The following REV1 variants were observed in gnomAD, a reference collection of about 807,000 sequenced individuals.
REV1 encodes the protein REV1 DNA directed polymerase, also known as translesion synthesis protein REV1.
Under a neutral mutation model 137.4 loss-of-function variants are expected in REV1, and 42 were observed. That is an observed-to-expected ratio of 0.31 (90% CI 0.24 to 0.40). The LOEUF (loss-of-function observed/expected upper bound fraction) is 0.40, where lower values mean the gene tolerates loss of function less well. Ranked by LOEUF, REV1 falls within the 10% of genes least tolerant of loss-of-function variation. The pLI is 1.00. For missense variants in REV1, 1,282 were observed against 1,490.1 expected (o/e 0.86, Z 2.30); for synonymous variants, 524 against 519.2 (o/e 1.01, Z -0.12).
intron 1 of REV1, among the ~76,000 whole-genome samples, chr2:99,479,896 C>T (rs559155805): frequency 2.0e-5 from 3 of 152,256 alleles, no homozygotes; most frequent in Admixed American, 6.5e-5. Context: ...CCCAAGAAAG[C>T]ATCACTGAGA....
intron 3 of REV1, among the ~76,000 whole-genome samples, chr2:99,461,143 G>A (rs891535697): frequency 2.6e-5 from 4 of 152,164 alleles, no homozygotes; most frequent in African/African-American, 9.7e-5. Context: ...ACTTCCCAAT[G>A]CTGCACCAGC....
intron 13 of REV1, among the ~76,000 whole-genome samples, chr2:99,412,068 C>A (rs1677236191): frequency 6.6e-6 from 1 of 151,722 alleles, no homozygotes; most frequent in Non-Finnish European, 1.5e-5. Flanking sequence ...CACGTCTCTA[C>A]TAAAAGTACA....
At chr2:99,432,282 G>A (rs777991021) in intron 8 of REV1, among the ~76,000 whole-genome samples, 15 of 152,178 alleles carry the variant, frequency 9.9e-5, no homozygotes, top group Admixed American at 2.6e-4. Context: ...GATGCTATTT[G>A]TCCTAATACT....
At chr2:99,448,593 T>A (rs780074565) in intron 4 of REV1, among the ~76,000 whole-genome samples, 1 of 152,218 alleles carries the variant, frequency 6.6e-6, no homozygotes, top group Non-Finnish European at 1.5e-5. Context: ...TCTTGATGTA[T>A]TACCATGCTA....
chr2:99,462,650 C>A, intron 2 of REV1, 28 bp from the exon 3 acceptor site: 2 of 1,576,862 alleles, frequency 1.3e-6, no homozygotes, highest in Non-Finnish European at 1.7e-6. Context: ...GTAAACCAAT[C>A]ACAAAGGTTA....
chr2:99,442,116 G>A (rs1681558982), intron 5 of REV1, among the ~76,000 whole-genome samples: 6 of 152,002 alleles, frequency 3.9e-5, no homozygotes, highest in Admixed American at 3.9e-4. Context: ...GCCAGGCGTG[G>A]TGGCACACGC....
chr2:99,485,921 T>C (rs975360323), intron 1 of REV1, among the ~76,000 whole-genome samples: 1 of 151,828 alleles, frequency 6.6e-6, no homozygotes, highest in Non-Finnish European at 1.5e-5. Context: ...GCCCAAGAGT[T>C]TGAGACCAGC....
At chr2:99,433,544 C>T (rs569538976) in intron 8 of REV1, among the ~76,000 whole-genome samples, 10 of 152,288 alleles carry the variant, frequency 6.6e-5, no homozygotes, top group African/African-American at 2.2e-4. Context: ...ACAAGCCCAA[C>T]GTTTTATAAC....
intron 12 of REV1, 118 bp from the exon 13 acceptor site, chr2:99,413,069 T>C: frequency 2.7e-6 from 2 of 748,248 alleles, no homozygotes; most frequent in South Asian, 1.8e-5. Context: ...TTAAAGTCTT[T>C]AGGCAACATA....
intron 1 of REV1, among the ~76,000 whole-genome samples, chr2:99,481,610 A>G (rs1686616161): frequency 6.6e-6 from 1 of 152,174 alleles, no homozygotes; most frequent in Non-Finnish European, 1.5e-5. Flanking sequence ...ATGCCTGTAT[A>G]CCAGCACTCT....
chr2:99,457,528 A>G (rs568523497), intron 3 of REV1, among the ~76,000 whole-genome samples: 1 of 152,092 alleles, frequency 6.6e-6, no homozygotes, highest in African/African-American at 2.4e-5. Flanking sequence ...CTAAAAACAC[A>G]CAAAAAATGA....
chr2:99,403,781 TCAG>T lies in REV1; in HGVS notation c.3077_3079del (p.Ala1026del). On this transcript the variant is annotated inframe_deletion, in exon 19 of 23. Coordinates refer to ENST00000258428, the MANE Select transcript of REV1 (RefSeq NM_016316.4). ...CGCTGCTTTCAGCTCCCTCTGAAGT[TCAG>T]CAGGAAGGGCAGCAAATACCTCAGG... 5.6e-6 allele frequency: 9 copies of T among 1,614,200 alleles called. No individual in the cohort carries two copies. Among genetic ancestry groups the T allele is most frequent in the Non-Finnish European group, 7.6e-6 (9 of 1,180,034 alleles).
Position 99,418,952 on chromosome 2 carries a change from TAAAAA to T in REV1, c.1832-10_1832-6del. Reference sequence around the variant, plus strand: ...TAGCCAGGAGAATATTAGAACCTATTAAAAAAAAAAGTCATCCAAGAAATAGTCAC... The same window carrying T: ...TAGCCAGGAGAATATTAGAACCTATTAAAAAGTCATCCAAGAAATAGTCAC... On this transcript the variant is annotated splice_polypyrimidine_tract_variant and splice_region_variant and intron_variant, in intron 11 of 22. Coordinates refer to ENST00000258428, the MANE Select transcript of REV1 (RefSeq NM_016316.4). 6.8e-7 allele frequency: 1 copy of T among 1,461,742 alleles called. No individual in the cohort carries two copies. The highest frequency in any genetic ancestry group is 9.3e-7 in the Non-Finnish European group (1 of 1,076,660). The allele number at this position is 1,461,742 out of a possible 1,614,324, so 90.5% of individuals were successfully genotyped here.
chr2:99,477,441 T>C (rs1686107949), intron 1 of REV1, among the ~76,000 whole-genome samples: 1 of 152,170 alleles, frequency 6.6e-6, no homozygotes, highest in African/African-American at 2.4e-5. Context: ...ACTGAGGTGC[T>C]CACCTACTAC....
intron 1 of REV1, among the ~76,000 whole-genome samples, chr2:99,471,737 T>A (rs1685432400): frequency 2.0e-5 from 3 of 149,714 alleles, no homozygotes; most frequent in Non-Finnish European, 1.5e-5. Context: ...CACTAAGAAA[T>A]AAAAAAAGGA....
chr2:99,403,894 CTT>C lies in REV1; in HGVS notation c.3046-81_3046-80del, dbSNP rs1287186648. ...TGGTTTCTCTTTTTCACAAAACAGA[CTT>C]TGTTTTCAAATCTCACTTTTCTGAT... On this transcript the variant is annotated intron_variant, in intron 18 of 22. Coordinates refer to ENST00000258428, the MANE Select transcript of REV1 (RefSeq NM_016316.4). 8 of 1,522,988 alleles carry C rather than the reference CTT, an allele frequency of 5.3e-6. No individual in the cohort carries two copies. The South Asian group carries it at 7.1e-5, about 14-fold the overall frequency. 94.3% of individuals were successfully genotyped at this position (1,522,988 alleles called of 1,614,324 possible). A position where few individuals can be genotyped will look rare whatever the true frequency, so the allele number is the denominator to read the frequency against.
Position 99,408,030 on chromosome 2 carries a change from C to A in REV1, c.2447G>T (p.Gly816Val). Residue 816 changes from glycine (G) to valine (V), a missense_variant and splice_region_variant, in exon 15 of 23, where the codon GGG becomes GTG. Coordinates refer to ENST00000258428, the MANE Select transcript of REV1 (RefSeq NM_016316.4). ...TMKLNISDMRGVGIHVNQLVP... is the reference protein window; with the variant it reads ...TMKLNISDMRVVGIHVNQLVP... Reference sequence around the variant, plus strand: ...TTTACAATGTTACTATATACTTACCCCTCTCATATCTGATATATTTAGTTT... The same window carrying A: ...TTTACAATGTTACTATATACTTACCACTCTCATATCTGATATATTTAGTTT... The A allele has an allele frequency of 6.5e-7, 1 of 1,535,686 alleles. No homozygotes were observed. Among genetic ancestry groups the A allele is most frequent in the Non-Finnish European group, 8.9e-7 (1 of 1,121,848 alleles).
chr2:99,445,077 T>C (rs1682020659), intron 4 of REV1, among the ~76,000 whole-genome samples: 1 of 151,920 alleles, frequency 6.6e-6, no homozygotes, highest in Non-Finnish European at 1.5e-5. Flanking sequence ...GAAATATTCA[T>C]CTATTTTGGG....
At chr2:99,459,605 C>T (rs1267839015) in intron 3 of REV1, among the ~76,000 whole-genome samples, 1 of 151,942 alleles carries the variant, frequency 6.6e-6, no homozygotes, top group Non-Finnish European at 1.5e-5. Flanking sequence ...ACTTGGGAGC[C>T]TGAGGAGAGA....
Sources: gnomAD v4.1 joint callset for allele counts (sites outside exome capture counted in the v4.1 genomes callset) on GRCh38, gnomAD v4.1.1 for gene constraint, MANE v1.5 for transcripts, NCBI Gene and HGNC (gene_info 2026-07-23, HGNC 2026-07-21) for gene names.